The following ADARB2 variants were observed in gnomAD, a reference collection of about 807,000 sequenced individuals.
ADARB2 encodes the protein inactive double-stranded RNA-specific editase B2.
ADARB2 carries 25 observed loss-of-function variants against 62.2 expected under a neutral mutation model. That is an observed-to-expected ratio of 0.40 (90% confidence interval 0.29 to 0.56). ADARB2 has a LOEUF of 0.56. ADARB2 is among the 20% of genes least tolerant of loss of function. The probability of loss-of-function intolerance (pLI) is 0.43; values close to 1 mark genes in which losing one functional copy is unlikely to be tolerated. For missense variants in ADARB2, 1,071 were observed against 1,077.4 expected, an observed-to-expected ratio of 0.99 and a Z score of 0.08; for synonymous variants, 572 against 500.8, an observed-to-expected ratio of 1.14 and a Z score of -1.90.
intron 1 of ADARB2, among the ~76,000 whole-genome samples, chr10:1,559,849 T>C (rs2676202): frequency 0.83 from 126,015 of 152,050 alleles, 52,691 homozygotes; most frequent in Non-Finnish European, 0.89. Flanking sequence ...GAGGAGCCCA[T>C]GTTGCGGTGA....
At chr10:1,635,948 CAAAG>C (rs1049071414) in intron 1 of ADARB2, among the ~76,000 whole-genome samples, 3 of 151,992 alleles carry the variant, frequency 2.0e-5, no homozygotes, top group African/African-American at 7.2e-5. Flanking sequence ...AACAAACTAA[CAAAG>C]AAACGAAGAG....
In ADARB2 at chr10:1,545,051, T is replaced by C. The variant is rs780678826; in HGVS notation, c.101-165891A>G. Among the ~76,000 whole-genome samples the C allele has an allele frequency of 6.5e-4, 98 of 151,752 alleles. 1 individual carries two copies. The highest frequency in any genetic ancestry group is 3.2e-4 in the Non-Finnish European group (22 of 67,992). On this transcript the variant is annotated intron_variant, in intron 1 of 9. Transcript: ENST00000381312. ...CTGGTAGGCTTGGTGAACTGACTTT[T>C]GCTGAGCACCCAGTAACAGGAGTTG...
At position 1,644,208 on chromosome 10, in the gene ADARB2, T is replaced by C. The variant is rs185113811; in HGVS notation, c.100+92843A>G. On this transcript the variant is annotated intron_variant, in intron 1 of 9. Transcript: ENST00000381312. ...AGGAAGTATTCCTCCAGGGCTTTTG[T>C]ATTTTCTTCCTCCAGGCTGCAGCCG... Among the ~76,000 whole-genome samples, 208 of 152,362 alleles carry C rather than the reference T, an allele frequency of 1.4e-3. 1 individual carries two copies. The highest frequency in any genetic ancestry group is 3.4e-3 in the Middle Eastern group (1 of 294).
At chr10:1,643,251 G>C (rs950743476) in intron 1 of ADARB2, among the ~76,000 whole-genome samples, 6 of 152,192 alleles carry the variant, frequency 3.9e-5, no homozygotes, top group African/African-American at 1.4e-4. Flanking sequence ...GGGTGTTAAT[G>C]ATGTTTTACA....
rs1335662165 is a variant in ADARB2 at position 1,307,583 on chromosome 10, T to C, written c.1078-36514A>G. Among the ~76,000 whole-genome samples, 14 of 143,590 alleles carry C rather than the reference T, an allele frequency of 9.7e-5. No homozygotes were observed. The Admixed American group carries it at 1.0e-3, about 10-fold the overall frequency. 94.2% of individuals were successfully genotyped at this position (143,590 alleles called of 152,430 possible). On this transcript the variant is annotated intron_variant, in intron 3 of 9. Coordinates refer to ENST00000381312, the MANE Select transcript of ADARB2 (RefSeq NM_018702.4). ...GACCCAGCCATCCCATTACTGGGTATATACCCAAAGGACTATAAATCATGC... is the reference window on the plus strand; with the variant it reads ...GACCCAGCCATCCCATTACTGGGTACATACCCAAAGGACTATAAATCATGC...
rs1836667614 is a variant in ADARB2, at chr10:1,181,018, A to G, written c.*2175T>C. On this transcript the variant is annotated 3_prime_UTR_variant, in exon 10 of 10. Coordinates refer to ENST00000381312, the MANE Select transcript of ADARB2 (RefSeq NM_018702.4). ...GGCCGAGCGCTTTCCGAGTCCCGTG[A>G]ATCAGACCCTGCGTCTTCCCTGTGA... 1 of 152,240 alleles carries G rather than the reference A, an allele frequency of 6.6e-6. No individual in the cohort carries two copies. Among genetic ancestry groups the G allele is most frequent in the Non-Finnish European group, 1.5e-5 (1 of 68,056 alleles). 9.4% of individuals were successfully genotyped at this position (152,240 alleles called of 1,614,324 possible). A position where few individuals can be genotyped will look rare whatever the true frequency, so the allele number is the denominator to read the frequency against.
chr10:1,358,415 C>T (rs973168877), intron 3 of ADARB2, among the ~76,000 whole-genome samples: 1 of 152,186 alleles, frequency 6.6e-6, no homozygotes, highest in Non-Finnish European at 1.5e-5. Flanking sequence ...GGCAGCTTCT[C>T]CCAGGGACTT....
intron 6 of ADARB2, among the ~76,000 whole-genome samples, chr10:1,221,220 C>G (rs539150647): frequency 6.6e-6 from 1 of 152,150 alleles, no homozygotes; most frequent in Admixed American, 6.5e-5. Flanking sequence ...CCTCAAACTC[C>G]TGACTGCTGT....
intron 1 of ADARB2, among the ~76,000 whole-genome samples, chr10:1,515,753 G>T (rs897007221): frequency 6.6e-6 from 1 of 152,230 alleles, no homozygotes; most frequent in Non-Finnish European, 1.5e-5. Flanking sequence ...TTTCTTCCAG[G>T]CCCGGAAGGT....
At chr10:1,531,990 C>T (rs992351290) in intron 1 of ADARB2, among the ~76,000 whole-genome samples, 3 of 152,148 alleles carry the variant, frequency 2.0e-5, no homozygotes, top group Non-Finnish European at 4.4e-5. Context: ...AAACACCATC[C>T]GGTATTGTAG....
chr10:1,532,950 A>G (rs1418617850), intron 1 of ADARB2, among the ~76,000 whole-genome samples: 1 of 151,900 alleles, frequency 6.6e-6, no homozygotes, highest in Non-Finnish European at 1.5e-5. Flanking sequence ...GTCTGTAATG[A>G]CCCTGCCCTG....
intron 1 of ADARB2, among the ~76,000 whole-genome samples, chr10:1,521,359 A>G (rs1050462843): frequency 2.6e-5 from 4 of 152,216 alleles, no homozygotes; most frequent in African/African-American, 7.2e-5. Context: ...TGTCTTAGAC[A>G]TTTAAAACCT....
At chr10:1,231,711 C>G (rs1830805684) in intron 6 of ADARB2, among the ~76,000 whole-genome samples, 1 of 152,144 alleles carries the variant, frequency 6.6e-6, no homozygotes, top group African/African-American at 2.4e-5. Flanking sequence ...AAATACTACC[C>G]AAATTCAAAT....
At chr10:1,653,591 CCA>C (rs1187873721) in intron 1 of ADARB2, among the ~76,000 whole-genome samples, 2 of 150,996 alleles carry the variant, frequency 1.3e-5, no homozygotes, top group East Asian at 1.9e-4. Context: ...GCCTGCAGAG[CCA>C]CAGTCTCCAC....
intron 1 of ADARB2, among the ~76,000 whole-genome samples, chr10:1,687,314 C>T (rs917290851): frequency 3.3e-5 from 5 of 152,218 alleles, no homozygotes; most frequent in African/African-American, 1.2e-4. Flanking sequence ...CTGTGAGCCA[C>T]CACGCCCAGG....
In ADARB2 at chr10:1,713,567, A is replaced by G. The variant is rs17155578; in HGVS notation, c.100+23484T>C. Among the ~76,000 whole-genome samples, 2,200 of 152,262 alleles carry G rather than the reference A, an allele frequency of 0.014. 138 individuals are homozygous for G. The East Asian group carries it at 0.18, about 13-fold the overall frequency. On this transcript the variant is annotated intron_variant, in intron 1 of 9. Transcript: ENST00000381312. ...TTCTCACGTGGGTTCCAGGGGGTTCAAAGAGCATTGGCAAAGCCACAATAC... is the reference window on the plus strand; with the variant it reads ...TTCTCACGTGGGTTCCAGGGGGTTCGAAGAGCATTGGCAAAGCCACAATAC...
Position 1,675,887 on chromosome 10 carries a change from G to A in ADARB2, c.100+61164C>T, listed in dbSNP as rs570160847. The A allele has an allele frequency of 1.1e-4, 80 of 754,054 alleles. No homozygotes were observed. The African/African-American group carries it at 1.4e-3, about 13-fold the overall frequency. The allele number at this position is 754,054 out of a possible 1,614,324, so 46.7% of individuals were successfully genotyped here. On this transcript the variant is annotated intron_variant, in intron 1 of 9. Coordinates refer to ENST00000381312, the MANE Select transcript of ADARB2 (RefSeq NM_018702.4). ...CAGAGGCCAGCCTCAGCTCTGAGTG[G>A]CAGCTCAGAGGAAGGGGCTGCAGAG...
chr10:1,394,416 T>G (rs573300827), intron 1 of ADARB2, among the ~76,000 whole-genome samples: 16 of 152,276 alleles, frequency 1.1e-4, no homozygotes, highest in South Asian at 6.2e-4. Context: ...CTCTAGAGGG[T>G]CCCTCCTGGT....
chr10:1,359,281 C>T (rs562744673), intron 3 of ADARB2, among the ~76,000 whole-genome samples: 1 of 152,136 alleles, frequency 6.6e-6, no homozygotes, highest in Non-Finnish European at 1.5e-5. Context: ...CCTGCAAACC[C>T]TCTGCCAGTA....
Sources: gnomAD v4.1 joint callset for allele counts (sites outside exome capture counted in the v4.1 genomes callset) on GRCh38, gnomAD v4.1.1 for gene constraint, MANE v1.5 for transcripts, NCBI Gene and HGNC (gene_info 2026-07-23, HGNC 2026-07-21) for gene names.